TBC1D12: variants seen among roughly 807,000 people sequenced by gnomAD.
TBC1D12 encodes the protein TBC1 domain family member 12.
A neutral mutation model predicts 86.7 loss-of-function variants in TBC1D12; 56 were observed. The observed-to-expected ratio is 0.65, with a 90% CI of 0.52 to 0.81. The LOEUF is 0.81. Among genes scored for constraint, TBC1D12 ranks in the 30% least tolerant of loss-of-function variants. The pLI is 0.00. For synonymous variants in TBC1D12, 421 were observed against 411.7 expected, an observed-to-expected ratio of 1.02 and a Z score of -0.27; for missense variants, 1,023 against 1,038.8, an observed-to-expected ratio of 0.98 and a Z score of 0.21.
In TBC1D12 at chr10:94,436,236, G is replaced by C. The variant is rs144465115; in HGVS notation, c.972-5660G>C. Among the ~76,000 whole-genome samples the C allele has an allele frequency of 8.1e-3, 1,223 of 151,618 alleles. 16 individuals are homozygous for C. The highest frequency in any genetic ancestry group is 0.027 in the African/African-American group (1,103 of 41,348). On this transcript the variant is annotated intron_variant, in intron 1 of 12. Transcript: ENST00000225235. ...ACTGCACCTCCGCCTCCTGGGTTCA[G>C]TTGATTCTCCTGCCTCAGCCTCCCA...
intron 11 of TBC1D12, among the ~76,000 whole-genome samples, chr10:94,528,039 C>A (rs950453412): frequency 6.6e-6 from 1 of 150,820 alleles, no homozygotes; most frequent in Non-Finnish European, 1.5e-5. Context: ...CTTCTTTTCT[C>A]AAGATTACTT....
chr10:94,415,942 C>T (rs2054992904), intron 1 of TBC1D12, among the ~76,000 whole-genome samples: 1 of 152,068 alleles, frequency 6.6e-6, no homozygotes, highest in Non-Finnish European at 1.5e-5. Context: ...AACTATACTG[C>T]ATGAAGGGAA....
intron 2 of TBC1D12, among the ~76,000 whole-genome samples, chr10:94,465,414 G>A (rs2055791462): frequency 6.6e-6 from 1 of 152,182 alleles, no homozygotes; most frequent in Non-Finnish European, 1.5e-5. Flanking sequence ...TTGGGAGGAT[G>A]AGGCAGGTGG....
At chr10:94,515,970 C>A (rs562239035) in intron 9 of TBC1D12, among the ~76,000 whole-genome samples, 3 of 152,126 alleles carry the variant, frequency 2.0e-5, no homozygotes, top group East Asian at 1.9e-4. Context: ...AGGAGCAGGA[C>A]CACTCCAGAT....
chr10:94,459,939 G>C (rs1228704534), intron 2 of TBC1D12, among the ~76,000 whole-genome samples: 1 of 152,188 alleles, frequency 6.6e-6, no homozygotes, highest in Non-Finnish European at 1.5e-5. Flanking sequence ...CCCAGAGAGG[G>C]GCTCCCACAG....
intron 9 of TBC1D12, among the ~76,000 whole-genome samples, chr10:94,516,683 T>G (rs1208574797): frequency 1.3e-5 from 2 of 151,284 alleles, no homozygotes; most frequent in Admixed American, 6.6e-5. Flanking sequence ...TTTTTTGTTC[T>G]TGCGAACAGT....
intron 1 of TBC1D12, among the ~76,000 whole-genome samples, chr10:94,414,852 G>C (rs147094919): frequency 6.6e-6 from 1 of 152,014 alleles, no homozygotes; most frequent in African/African-American, 2.4e-5. Flanking sequence ...CGCCCACTGC[G>C]GCCTCCCAAA....
At chr10:94,486,586 A>G (rs749159743) in intron 3 of TBC1D12, among the ~76,000 whole-genome samples, 1 of 151,892 alleles carries the variant, frequency 6.6e-6, no homozygotes, top group Non-Finnish European at 1.5e-5. Context: ...GATATTGTTT[A>G]ATTTGCATGT....
chr10:94,467,069 C>T (rs746479257), intron 2 of TBC1D12, among the ~76,000 whole-genome samples: 2 of 151,944 alleles, frequency 1.3e-5, no homozygotes, highest in Non-Finnish European at 1.5e-5. Flanking sequence ...ATAAAGGGCC[C>T]GCTTTGTCTA....
chr10:94,428,282 CTTTTTTTTTT>C (rs894535771), intron 1 of TBC1D12, among the ~76,000 whole-genome samples: 2 of 99,926 alleles, frequency 2.0e-5, no homozygotes, highest in Non-Finnish European at 4.1e-5. Context: ...TTTGGAACTT[CTTTTTTTTTT>C]TTTTTTTTTT....
At chr10:94,444,492 C>T (rs898935415) in intron 2 of TBC1D12, among the ~76,000 whole-genome samples, 6 of 151,948 alleles carry the variant, frequency 3.9e-5, no homozygotes, top group Admixed American at 3.3e-4. Flanking sequence ...AGACCAAGTT[C>T]GCCCTCTAGA....
intron 1 of TBC1D12, among the ~76,000 whole-genome samples, chr10:94,419,996 AT>A (rs1243425531): frequency 4.6e-5 from 7 of 152,132 alleles, no homozygotes; most frequent in Admixed American, 2.0e-4. Flanking sequence ...AATCTGTTAA[AT>A]TTTTTTATCG....
intron 3 of TBC1D12, among the ~76,000 whole-genome samples, chr10:94,477,974 A>G (rs2056017535): frequency 5.9e-5 from 9 of 152,212 alleles, no homozygotes. Flanking sequence ...ATCATTTGCC[A>G]TGACTTGTAG....
In TBC1D12 at chr10:94,531,229, A is replaced by C; in HGVS notation, c.2028A>C (p.Leu676=). The change falls in exon 12 of 13, where the codon CTA becomes CTC. Residue 676 remains leucine (L), a synonymous_variant. Transcript: ENST00000225235. ...DWIFTLYSKS[L]PLDLACRVWD... is the part of the protein sequence containing the mutation. Reference sequence around the variant, plus strand: ...TCTTCACACTATATAGCAAATCACTACCACTTGATCTGGCCTGTCGAGTCT... The same window carrying C: ...TCTTCACACTATATAGCAAATCACTCCCACTTGATCTGGCCTGTCGAGTCT... 2 of 1,613,902 alleles carry C rather than the reference A, an allele frequency of 1.2e-6. No homozygotes were observed. Among genetic ancestry groups the C allele is most frequent in the Middle Eastern group, 1.7e-4 (1 of 6,060 alleles).
intron 2 of TBC1D12, 122 bp from the exon 3 acceptor site, chr10:94,474,546 C>A: frequency 1.5e-6 from 1 of 676,786 alleles, no homozygotes; most frequent in Non-Finnish European, 2.3e-6. Flanking sequence ...ATATTTTTAC[C>A]AAATTATTTT....
chr10:94,465,774 G>GTATA (rs1554941289), intron 2 of TBC1D12, among the ~76,000 whole-genome samples: 8 of 145,576 alleles, frequency 5.5e-5, no homozygotes, highest in East Asian at 4.1e-4. Context: ...ATACGTATAC[G>GTATA]CATACATACA....
intron 2 of TBC1D12, 127 bp from the exon 3 acceptor site, chr10:94,474,541 T>C: frequency 5.9e-6 from 4 of 674,790 alleles, no homozygotes; most frequent in Non-Finnish European, 7.0e-6. Flanking sequence ...GCTTGATATT[T>C]TTACCAAATT....
chr10:94,441,651 G>A (rs2055383909), intron 1 of TBC1D12, among the ~76,000 whole-genome samples: 1 of 152,166 alleles, frequency 6.6e-6, no homozygotes, highest in African/African-American at 2.4e-5. Flanking sequence ...GTATACGTGT[G>A]CCATGGTGGT....
At chr10:94,455,521 GCTTT>G (rs1298687424) in intron 2 of TBC1D12, among the ~76,000 whole-genome samples, 3 of 152,118 alleles carry the variant, frequency 2.0e-5, no homozygotes, top group Non-Finnish European at 1.5e-5. Context: ...CTGGGTCTGT[GCTTT>G]CTGTTTTGGA....
Sources: allele counts gnomAD v4.1 joint callset (sites outside exome capture counted in the v4.1 genomes callset), GRCh38; gene constraint gnomAD v4.1.1; transcripts MANE v1.5; gene names NCBI Gene and HGNC (gene_info 2026-07-23, HGNC 2026-07-21).